KIF18B: variants seen among roughly 807,000 people sequenced by gnomAD.
KIF18B encodes the protein kinesin-like protein KIF18B.
A neutral mutation model predicts 80.9 loss-of-function variants in KIF18B; 49 were observed. The ratio of observed to expected loss-of-function variants is 0.61; its 90% CI spans 0.48 to 0.77. The LOEUF (loss-of-function observed/expected upper bound fraction) is 0.77, where lower values mean the gene tolerates loss of function less well. KIF18B is among the 30% of genes least tolerant of loss of function. The pLI, the probability that KIF18B is intolerant of heterozygous loss-of-function variation, is 0.00. For missense variants in KIF18B, 994 were observed against 1,127.7 expected (o/e 0.88, Z 1.70); for synonymous variants, 439 against 463.9 (o/e 0.95, Z 0.69).
chr17:44,935,459 A>T (rs767380773), intron 2 of KIF18B, 43 bp from the exon 3 acceptor site: 1 of 1,543,734 alleles, frequency 6.5e-7, no homozygotes, highest in Non-Finnish European at 8.8e-7. Context: ...GTGCCTTGCC[A>T]CCCAGCTCAG....
At chr17:44,947,166 G>A (rs186204288) in intron 1 of KIF18B, among the ~76,000 whole-genome samples, 2 of 146,462 alleles carry the variant, frequency 1.4e-5, no homozygotes, top group East Asian at 4.1e-4. Flanking sequence ...CAGAGCCACC[G>A]GCACGTGCAG....
chr17:44,941,340 C>CTT (rs36121835), intron 1 of KIF18B, among the ~76,000 whole-genome samples: 35 of 134,706 alleles, frequency 2.6e-4, no homozygotes, highest in South Asian at 4.7e-4. Flanking sequence ...TTTTCTTTTT[C>CTT]TTTTTTTTTT....
In KIF18B at chr17:44,931,699, T is replaced by C. The variant is rs1363857530; in HGVS notation, c.1420A>G (p.Thr474Ala). ...VPTQMPEQNP[T>A]HALPESPRLT... ...CGAGGGGACTCTGGCAGTGCATGTG[T>C]GGGGTTCTGCTCTGGCATCTGGGTT... Residue 474 changes from threonine (T) to alanine (A), a missense_variant, in exon 11 of 16, where the codon ACA (threonine) becomes GCA (alanine). Physicochemically the swap from Thr to Ala is moderately conservative, Grantham distance 58 (BLOSUM62 0). Coordinates refer to ENST00000593135, the MANE Select transcript of KIF18B (RefSeq NM_001265577.2). The C allele has an allele frequency of 6.2e-7, 1 of 1,613,890 alleles. No individual in the cohort carries two copies. Among genetic ancestry groups the C allele is most frequent in the East Asian group, 2.2e-5 (1 of 44,878 alleles).
At chr17:44,932,631 C>T in intron 9 of KIF18B, 42 bp downstream of exon 9, 1 of 1,049,128 alleles carries the variant, frequency 9.5e-7, no homozygotes. Context: ...CCCATCCTGG[C>T]TGAGCTGCAG....
intron 8 of KIF18B, 64 bp from the exon 9 acceptor site, chr17:44,932,837 G>C: frequency 6.4e-7 from 1 of 1,566,070 alleles, no homozygotes; most frequent in African/African-American, 1.3e-5. Flanking sequence ...GGGGCAGACA[G>C]AGCCCCCGCC....
chr17:44,926,644 T>C, intron 14 of KIF18B, 145 bp from the exon 15 acceptor site: 1 of 800,556 alleles, frequency 1.2e-6, no homozygotes, highest in Non-Finnish European at 1.9e-6. Context: ...CAGAGCTGGA[T>C]CTAAGGGTGG....
intron 1 of KIF18B, among the ~76,000 whole-genome samples, chr17:44,947,075 C>T (rs1597902722): frequency 7.5e-6 from 1 of 132,948 alleles, no homozygotes; most frequent in African/African-American, 3.0e-5. Context: ...CGCCATTGCA[C>T]TCCAGCCTGG....
intron 1 of KIF18B, among the ~76,000 whole-genome samples, chr17:44,945,618 T>A (rs1567802373): frequency 6.6e-6 from 1 of 151,882 alleles, no homozygotes; most frequent in African/African-American, 2.4e-5. Flanking sequence ...TTTTAAAAAA[T>A]TTCAGGCCGG....
chr17:44,945,910 A>G (rs898207576), intron 1 of KIF18B, among the ~76,000 whole-genome samples: 2 of 150,264 alleles, frequency 1.3e-5, no homozygotes, highest in African/African-American at 4.9e-5. Context: ...GTCTCAGAAA[A>G]AAAAAAAAAA....
In KIF18B at chr17:44,932,991, G is replaced by A. The variant is rs1185213826; in HGVS notation, c.1063-5C>T. ...GCTGGTCACATTGCTCTTCAGCTGA[G>A]ATGGGGAACAGGAGAGAGATTTATT... On this transcript the variant is annotated splice_polypyrimidine_tract_variant and splice_region_variant and intron_variant, in intron 7 of 15. Coordinates refer to ENST00000593135, the MANE Select transcript of KIF18B (RefSeq NM_001265577.2). The A allele has an allele frequency of 6.2e-7, 1 of 1,603,842 alleles. No individual in the cohort carries two copies. The highest frequency in any genetic ancestry group is 1.3e-5 in the African/African-American group (1 of 74,750).
intron 1 of KIF18B, among the ~76,000 whole-genome samples, chr17:44,940,310 C>T (rs530894892): frequency 1.3e-5 from 2 of 152,326 alleles, no homozygotes; most frequent in East Asian, 3.9e-4. Flanking sequence ...ACCTCCACTG[C>T]CCATTAGGAA....
At chr17:44,945,941 T>G (rs2052504987) in intron 1 of KIF18B, among the ~76,000 whole-genome samples, 2 of 148,254 alleles carry the variant, frequency 1.3e-5, no homozygotes, top group Non-Finnish European at 3.0e-5. Context: ...AAACATGGGC[T>G]GGGCACAGTG....
chr17:44,946,435 T>C lies in KIF18B; in HGVS notation c.-15+1193A>G, dbSNP rs150858649. ...GGGAAGAAATAGAATAGGGAGAAGA[T>C]TGGAGAAAGCAATATAACATTGAGA... On this transcript the variant is annotated intron_variant, in intron 1 of 15. Transcript: ENST00000593135. Among the ~76,000 whole-genome samples the C allele has an allele frequency of 4.2e-3, 640 of 152,298 alleles. 1 individual carries two copies. Among genetic ancestry groups the C allele is most frequent in the Admixed American group, 6.5e-3 (100 of 15,284 alleles).
chr17:44,928,190 G>A lies in KIF18B; in HGVS notation c.2112C>T (p.Ser704=), dbSNP rs199693894. Residue 704 remains serine (S), a synonymous_variant, in exon 13 of 16, where the codon TCC becomes TCT. Coordinates refer to ENST00000593135, the MANE Select transcript of KIF18B (RefSeq NM_001265577.2). Reference sequence around the variant, plus strand: ...GCGGGGTGGAGCAGTTCTGCATGGCGGAAGGGCCCAGGGGCACCCGGCTTT... The same window carrying A: ...GCGGGGTGGAGCAGTTCTGCATGGCAGAAGGGCCCAGGGGCACCCGGCTTT... ...VIKSRVPLGP[S]AMQNCSTPLA... is the part of the protein sequence containing the mutation. 33 of 1,612,172 alleles carry A rather than the reference G, an allele frequency of 2.0e-5. No individual in the cohort carries two copies. Among genetic ancestry groups the A allele is most frequent in the South Asian group, 1.3e-4 (12 of 90,878 alleles).
chr17:44,940,524 G>A (rs902248083), intron 1 of KIF18B, among the ~76,000 whole-genome samples: 3 of 151,900 alleles, frequency 2.0e-5, no homozygotes, highest in African/African-American at 7.3e-5. Flanking sequence ...TTTCTCTTTC[G>A]AAACAGCGTA....
At chr17:44,943,946 G>A (rs1049066652) in intron 1 of KIF18B, among the ~76,000 whole-genome samples, 3 of 151,974 alleles carry the variant, frequency 2.0e-5, no homozygotes, top group African/African-American at 7.3e-5. Flanking sequence ...CCAACTCCTG[G>A]GCTCAAGTGA....
Position 44,928,663 on chromosome 17 carries a change from G to A in KIF18B, c.1724-85C>T, listed in dbSNP as rs189290711. 100 of 1,395,018 alleles carry A rather than the reference G, an allele frequency of 7.2e-5. No individual in the cohort carries two copies. The African/African-American group carries it at 1.2e-3, about 17-fold the overall frequency. 86.4% of individuals were successfully genotyped at this position (1,395,018 alleles called of 1,614,324 possible). On this transcript the variant is annotated intron_variant, in intron 12 of 15. Coordinates refer to ENST00000593135, the MANE Select transcript of KIF18B (RefSeq NM_001265577.2). ...GAGCCCATAACCCCTCAGGTCTCCT[G>A]GGGCCTCTCTGTGTGCAGAAGTCTA...
At position 44,929,832 on chromosome 17, in the gene KIF18B, C is replaced by T. The variant is rs545354879; in HGVS notation, c.1518-808G>A. 3.3e-5 allele frequency among the ~76,000 whole-genome samples: 5 copies of T among 152,180 alleles called. No individual in the cohort carries two copies. The East Asian group carries it at 9.6e-4, about 29-fold the overall frequency. ...CTGAAAAAGTATGTGTGAATCAAGG[C>T]GTATTTCACAGGCACTGGGGGGCTA... On this transcript the variant is annotated intron_variant, in intron 11 of 15. Coordinates refer to ENST00000593135, the MANE Select transcript of KIF18B (RefSeq NM_001265577.2).
Position 44,928,816 on chromosome 17 carries a change from C to T in KIF18B, c.1723+3G>A, listed in dbSNP as rs745634304. On this transcript the variant is annotated splice_donor_region_variant and intron_variant, in intron 12 of 15. Coordinates refer to ENST00000593135, the MANE Select transcript of KIF18B (RefSeq NM_001265577.2). ...AGGCAGGGGAGAGCAGGATGAGACT[C>T]ACTTGACTCTGAACACAGCTCCTGA... The T allele has an allele frequency of 3.1e-6, 5 of 1,613,118 alleles. No homozygotes were observed. The South Asian group carries it at 3.3e-5, about 11-fold the overall frequency.
Sources: gnomAD v4.1 joint callset for allele counts (sites outside exome capture counted in the v4.1 genomes callset) on GRCh38, gnomAD v4.1.1 for gene constraint, MANE v1.5 for transcripts, NCBI Gene and HGNC (gene_info 2026-07-23, HGNC 2026-07-21) for gene names.